IARS2: variants seen among roughly 807,000 people sequenced by gnomAD.
The protein encoded by IARS2 is isoleucyl-tRNA synthetase 2, mitochondrial, also known as isoleucine--tRNA ligase, mitochondrial.
A neutral mutation model predicts 126.3 loss-of-function variants in IARS2; 56 were observed. The ratio of observed to expected loss-of-function variants is 0.44; its 90% confidence interval spans 0.36 to 0.55. The LOEUF is 0.55. Ranked by LOEUF, IARS2 falls within the 20% of genes least tolerant of loss-of-function variation. The pLI, the probability that IARS2 is intolerant of heterozygous loss-of-function variation, is 0.00. For synonymous variants in IARS2, 407 were observed against 441.1 expected (o/e 0.92, Z 0.97); for missense variants, 1,127 against 1,245.9 (o/e 0.90, Z 1.44).
chr1:220,095,343 C>T (rs1195608488), intron 1 of IARS2, among the ~76,000 whole-genome samples: 2 of 152,200 alleles, frequency 1.3e-5, no homozygotes, highest in African/African-American at 4.8e-5. Flanking sequence ...CCAGCCTAGT[C>T]TGAACTTTCT....
chr1:220,121,525 T>G (rs1004005696), intron 12 of IARS2, among the ~76,000 whole-genome samples: 30 of 152,224 alleles, frequency 2.0e-4, no homozygotes, highest in African/African-American at 5.5e-4. Flanking sequence ...AGTTATATGC[T>G]CAGTAGGTTA....
rs1331141738 is a variant in IARS2, at chr1:220,106,010, G to C, written c.1186G>C (p.Ala396Pro). ...KGTGLVHTAPAHGMEDYGVAS... is the reference protein window; with the variant it reads ...KGTGLVHTAPPHGMEDYGVAS... ...AACGGGATTGGTTCACACAGCCCCA[G>C]CTCATGGTATGGAAGACTACGGTGT... Residue 396 changes from alanine to proline, a missense_variant, in exon 9 of 23, where the codon GCT becomes CCT. Physicochemically the swap from Ala to Pro is conservative, Grantham distance 27 (BLOSUM62 -1). Transcript: ENST00000366922. The C allele has an allele frequency of 1.9e-6, 3 of 1,614,024 alleles. No homozygotes were observed. Among genetic ancestry groups the C allele is most frequent in the Non-Finnish European group, 2.5e-6 (3 of 1,180,018 alleles).
Position 220,094,416 on chromosome 1 carries a change from C to G in IARS2, c.200C>G (p.Pro67Arg). The change falls in exon 1 of 23, where the codon CCG (proline) becomes CGG (arginine). Residue 67 changes from proline (P) to arginine (R), a missense_variant. By Grantham distance (103) the Pro-to-Arg change is moderately radical. Transcript: ENST00000366922. ...AGATACCGGGACACGGTGCTGCTGC[C>G]GCAGACGAGCTTCCCCATGAAGCTG... Reference protein sequence around the residue: ...SGRYRDTVLLPQTSFPMKLLG... With the variant: ...SGRYRDTVLLRQTSFPMKLLG... 1 of 1,611,844 alleles carries G rather than the reference C, an allele frequency of 6.2e-7. No homozygotes were observed. Among genetic ancestry groups the G allele is most frequent in the Non-Finnish European group, 8.5e-7 (1 of 1,179,446 alleles).
intron 11 of IARS2, among the ~76,000 whole-genome samples, chr1:220,113,202 AC>A (rs1198889198): frequency 6.6e-6 from 1 of 152,060 alleles, no homozygotes; most frequent in Non-Finnish European, 1.5e-5. Context: ...CATTATCACC[AC>A]CTTTAAAAAG....
At chr1:220,141,713 T>G in intron 19 of IARS2, 90 bp from the exon 20 acceptor site, 1 of 1,255,832 alleles carries the variant, frequency 8.0e-7, no homozygotes, top group Non-Finnish European at 1.1e-6. Context: ...GATTAGCCAC[T>G]AGGAATAAAC....
At position 220,139,099 on chromosome 1, in the gene IARS2, A is replaced by C. The variant is rs1418850953; in HGVS notation, c.2267A>C (p.Asp756Ala). ...CCTGTAAACGATATGTATGTCATAG[A>C]CCAGTACATGCTACACTTACTGCAG... is the stretch of plus-strand genomic sequence containing the variant. Reference protein sequence around the residue: ...SIPVNDMYVIDQYMLHLLQDL... With the variant: ...SIPVNDMYVIAQYMLHLLQDL... Residue 756 changes from aspartate (D) to alanine (A), a missense_variant, in exon 18 of 23, where the codon GAC becomes GCC. Transcript: ENST00000366922. 2 of 1,612,560 alleles carry C rather than the reference A, an allele frequency of 1.2e-6. No homozygotes were observed. The highest frequency in any genetic ancestry group is 1.7e-6 in the Non-Finnish European group (2 of 1,178,924).
chr1:220,097,346 T>C (rs1656465768), intron 2 of IARS2, among the ~76,000 whole-genome samples: 1 of 150,276 alleles, frequency 6.7e-6, no homozygotes, highest in African/African-American at 2.5e-5. Flanking sequence ...CACCTTCTCT[T>C]TCCCAACAGT....
chr1:220,111,598 A>ATATGTG (rs374024744), intron 11 of IARS2, among the ~76,000 whole-genome samples: 102 of 134,854 alleles, frequency 7.6e-4, no homozygotes, highest in Middle Eastern at 3.7e-3. Flanking sequence ...ATATATATAT[A>ATATGTG]TGTGTGTGTG....
chr1:220,141,922 T>G lies in IARS2; in HGVS notation c.2534T>G (p.Val845Gly). The G allele has an allele frequency of 6.2e-7, 1 of 1,614,068 alleles. No homozygotes were observed. The highest frequency in any genetic ancestry group is 1.7e-5 in the Admixed American group (1 of 60,026). ...APILPHLAEEVFQHIPYIKEP... is the reference protein window; with the variant it reads ...APILPHLAEEGFQHIPYIKEP... ...ATTCTTCCTCACCTGGCTGAAGAGGTGTTCCAGCACATACCTTATATTAAA... is the reference window on the plus strand; with the variant it reads ...ATTCTTCCTCACCTGGCTGAAGAGGGGTTCCAGCACATACCTTATATTAAA... The change falls in exon 20 of 23, where the codon GTG becomes GGG. Residue 845 changes from valine to glycine, a missense_variant. By Grantham distance (109) the Val-to-Gly change is moderately radical. Transcript: ENST00000366922.
Position 220,094,506 on chromosome 1 carries a change from G to A in IARS2, c.267+23G>A, listed in dbSNP as rs778351420. ...CAGGTACGGGCCCCGCCTCGGCGCG[G>A]GGCCTCCAGAGAGGCCCGATCCGGC... On this transcript the variant is annotated intron_variant, in intron 1 of 22. Transcript: ENST00000366922. 6.4e-6 allele frequency: 10 copies of A among 1,561,482 alleles called. No homozygotes were observed. In the East Asian group the frequency reaches 1.9e-4, roughly 30 times the overall value.
intron 14 of IARS2, among the ~76,000 whole-genome samples, chr1:220,128,049 C>T (rs1657188696): frequency 6.6e-6 from 1 of 152,198 alleles, no homozygotes; most frequent in African/African-American, 2.4e-5. Flanking sequence ...GATAATACAT[C>T]TGACTCCTGA....
At chr1:220,101,673 C>T (rs1656575004) in intron 3 of IARS2, among the ~76,000 whole-genome samples, 1 of 150,796 alleles carries the variant, frequency 6.6e-6, no homozygotes, top group South Asian at 2.1e-4. Context: ...TGCATGCCAA[C>T]CTGGGCAACA....
chr1:220,140,845 G>C (rs923243490), intron 19 of IARS2, among the ~76,000 whole-genome samples: 2 of 151,924 alleles, frequency 1.3e-5, no homozygotes, highest in African/African-American at 4.8e-5. Context: ...TTAGCTGGGC[G>C]TGGTGGCGGG....
rs767672750 is a variant in IARS2 at position 220,102,376 on chromosome 1, G to C, written c.713G>C (p.Arg238Pro). 13 of 1,613,394 alleles carry C rather than the reference G, an allele frequency of 8.1e-6. No individual in the cohort carries two copies. In the African/African-American group the frequency reaches 1.5e-4, roughly 18 times the overall value. ...YQMYDKGLVY[R>P]SYKPVFWSPS... ...TGTCTTTTATAGGGCTTGGTTTATC[G>C]ATCTTACAAACCTGTGTTTTGGTCT... Residue 238 changes from arginine (R) to proline (P), a missense_variant, in exon 5 of 23, where the codon CGA (arginine) becomes CCA (proline). Transcript: ENST00000366922.
At chr1:220,146,134 TAAGC>T (rs1434623042) in intron 22 of IARS2, among the ~76,000 whole-genome samples, 1 of 152,202 alleles carries the variant, frequency 6.6e-6, no homozygotes, top group Non-Finnish European at 1.5e-5. Flanking sequence ...TGGTATCTCA[TAAGC>T]AAGCATTTTG....
chr1:220,095,507 C>T (rs1656420083), intron 1 of IARS2, among the ~76,000 whole-genome samples: 1 of 152,206 alleles, frequency 6.6e-6, no homozygotes, highest in Non-Finnish European at 1.5e-5. Flanking sequence ...TCAATACCTT[C>T]TGTATGCCAG....
At chr1:220,123,920 A>G (rs1482997749) in intron 12 of IARS2, among the ~76,000 whole-genome samples, 1 of 152,264 alleles carries the variant, frequency 6.6e-6, no homozygotes, top group African/African-American at 2.4e-5. Context: ...ATTTATTCAA[A>G]TGTGCCAGGT....
At position 220,141,849 on chromosome 1, in the gene IARS2, A is replaced by C. The variant is rs778158249; in HGVS notation, c.2461A>C (p.Thr821Pro). ...TGACCCCAAACGACGCTCTTGTCAG[A>C]CTGCATTAGTTGAAATTTTGGATGT... ...ENDPKRRSCQ[T>P]ALVEILDVIV... The change falls in exon 20 of 23, where the codon ACT (threonine) becomes CCT (proline). Residue 821 changes from threonine to proline, a missense_variant. Transcript: ENST00000366922. 1 of 1,614,158 alleles carries C rather than the reference A, an allele frequency of 6.2e-7. No homozygotes were observed. The highest frequency in any genetic ancestry group is 1.3e-5 in the African/African-American group (1 of 75,052).
chr1:220,100,509 A>G lies in IARS2; in HGVS notation c.410A>G (p.Asn137Ser), dbSNP rs1256139160. The G allele has an allele frequency of 4.3e-6, 7 of 1,610,696 alleles. No homozygotes were observed. Among genetic ancestry groups the G allele is most frequent in the East Asian group, 2.2e-5 (1 of 44,728 alleles). The change falls in exon 3 of 23, where the codon AAT becomes AGT. Residue 137 changes from asparagine to serine, a missense_variant. Coordinates refer to ENST00000366922, the MANE Select transcript of IARS2 (RefSeq NM_018060.4). ...TTGCAGATTTTGAAAGACATAGCCA[A>G]TCGATTCCATATGATGAATGGCTCC... ...ALNKILKDIANRFHMMNGSKI... is the reference protein window; with the variant it reads ...ALNKILKDIASRFHMMNGSKI...
Sources: allele counts gnomAD v4.1 joint callset (sites outside exome capture counted in the v4.1 genomes callset), GRCh38; gene constraint gnomAD v4.1.1; transcripts MANE v1.5; gene names NCBI Gene and HGNC (gene_info 2026-07-23, HGNC 2026-07-21).